Variants in IL19 observed in about 807,000 individuals in gnomAD.
IL19 encodes the protein interleukin-19.
IL19 carries 15 observed loss-of-function variants against 19.5 expected under a neutral mutation model. That is an observed-to-expected ratio of 0.77 (90% CI 0.52 to 1.19). The LOEUF (loss-of-function observed/expected upper bound fraction) is 1.19, where lower values mean the gene tolerates loss of function less well. Among genes scored for constraint, IL19 ranks in the 50% most tolerant of loss-of-function variants. The pLI is 0.00. For missense variants in IL19, 199 were observed against 213.1 expected, an observed-to-expected ratio of 0.93 and a Z score of 0.41; for synonymous variants, 78 against 78.3, an observed-to-expected ratio of 1.00 and a Z score of 0.02.
chr1:206,797,954 G>A (rs546917535), intron 1 of IL19, among the ~76,000 whole-genome samples: 1 of 152,200 alleles, frequency 6.6e-6, no homozygotes, highest in Non-Finnish European at 1.5e-5. Context: ...GGATTTCAGA[G>A]CTAGCTAGTG....
chr1:206,820,743 A>G (rs976944725), intron 2 of IL19, among the ~76,000 whole-genome samples: 7 of 152,234 alleles, frequency 4.6e-5, no homozygotes, highest in African/African-American at 1.7e-4. Context: ...GGACTGGCAC[A>G]ATGAGGTTCC....
chr1:206,795,876 C>T (rs529290500), intron 1 of IL19, among the ~76,000 whole-genome samples: 1 of 151,056 alleles, frequency 6.6e-6, no homozygotes, highest in South Asian at 2.1e-4. Flanking sequence ...TAATTCAGTT[C>T]ATTTTTGTAT....
At chr1:206,811,530 A>C (rs1572560873) in intron 2 of IL19, among the ~76,000 whole-genome samples, 1 of 151,868 alleles carries the variant, frequency 6.6e-6, no homozygotes, top group South Asian at 2.1e-4. Flanking sequence ...TTCCAGACTT[A>C]GAATCTCTTG....
chr1:206,786,210 T>C (rs1371936535), intron 1 of IL19, among the ~76,000 whole-genome samples: 3 of 152,206 alleles, frequency 2.0e-5, no homozygotes, highest in Non-Finnish European at 1.5e-5. Flanking sequence ...GAAAAATGCT[T>C]GTCATAGTGC....
At chr1:206,772,101 C>T (rs960394035) in intron 1 of IL19, among the ~76,000 whole-genome samples, 5 of 152,228 alleles carry the variant, frequency 3.3e-5, no homozygotes, top group African/African-American at 1.2e-4. Flanking sequence ...CTTAGCTTAA[C>T]TCACCAAACC....
At chr1:206,827,612 C>T (rs964348192) in intron 2 of IL19, among the ~76,000 whole-genome samples, 1 of 151,892 alleles carries the variant, frequency 6.6e-6, no homozygotes, top group Non-Finnish European at 1.5e-5. Flanking sequence ...ATGGCATGAA[C>T]CCCGGGGGGC....
intron 2 of IL19, among the ~76,000 whole-genome samples, chr1:206,827,705 C>CA (rs1473555776): frequency 1.3e-4 from 4 of 29,952 alleles, no homozygotes; most frequent in East Asian, 5.5e-4. Context: ...CAAAACAAAA[C>CA]AAAACAAAAA....
intron 2 of IL19, among the ~76,000 whole-genome samples, chr1:206,816,644 T>C (rs991237217): frequency 6.6e-6 from 1 of 152,006 alleles, no homozygotes; most frequent in African/African-American, 2.4e-5. Flanking sequence ...ATGGTACAAA[T>C]AGAAAACAAA....
intron 2 of IL19, among the ~76,000 whole-genome samples, chr1:206,802,799 A>G (rs865911192): frequency 1.1e-4 from 17 of 151,970 alleles, no homozygotes; most frequent in Middle Eastern, 3.4e-3. Context: ...GCCCACATGT[A>G]TAGAACTGGA....
In IL19 at chr1:206,813,153, C is replaced by T. The variant is rs138625576; in HGVS notation, c.-3+14147C>T. Among the ~76,000 whole-genome samples, 526 of 152,292 alleles carry T rather than the reference C, an allele frequency of 3.5e-3. 4 individuals are homozygous for T. The highest frequency in any genetic ancestry group is 0.012 in the African/African-American group (492 of 41,570). On this transcript the variant is annotated intron_variant, in intron 2 of 6. Coordinates refer to ENST00000659997, the MANE Select transcript of IL19 (RefSeq NM_153758.5). The stretch of plus-strand genomic sequence containing the variant: ...CAGTTATTGCCTCTCAGTTCTAAAC[C>T]CAACCTTCTATAGTCTGCTTTGTGA...
chr1:206,782,891 A>T (rs1446862731), intron 1 of IL19, among the ~76,000 whole-genome samples: 1 of 152,194 alleles, frequency 6.6e-6, no homozygotes, highest in Non-Finnish European at 1.5e-5. Context: ...AAGGGGCATT[A>T]AAAACCCTGC....
intron 2 of IL19, among the ~76,000 whole-genome samples, chr1:206,807,750 T>G (rs1675886188): frequency 6.6e-6 from 1 of 152,220 alleles, no homozygotes; most frequent in Non-Finnish European, 1.5e-5. Flanking sequence ...TATTTGTCAC[T>G]GAATTCCCAG....
At chr1:206,796,055 C>T (rs779242027) in intron 1 of IL19, among the ~76,000 whole-genome samples, 87 of 151,652 alleles carry the variant, frequency 5.7e-4, no homozygotes, top group Non-Finnish European at 9.1e-4. Flanking sequence ...CCAGGAAAGC[C>T]GATGGTATAG....
At chr1:206,772,156 A>C in intron 1 of IL19, 3 of 879,952 alleles carry the variant, frequency 3.4e-6, no homozygotes, top group Non-Finnish European at 3.8e-6. Context: ...GTTTGGGGGA[A>C]TAGGTGTTGG....
intron 2 of IL19, among the ~76,000 whole-genome samples, chr1:206,808,668 C>T (rs2102465923): frequency 6.6e-6 from 1 of 152,308 alleles, no homozygotes; most frequent in South Asian, 2.1e-4. Flanking sequence ...GTAGGTTAAA[C>T]TCACAGAGGG....
chr1:206,836,598 G>T, intron 2 of IL19, 63 bp from the exon 3 acceptor site: 2 of 1,462,086 alleles, frequency 1.4e-6, no homozygotes, highest in South Asian at 2.6e-5. Context: ...CGTCAATCAG[G>T]GGTCTTCTTT....
intron 1 of IL19, among the ~76,000 whole-genome samples, chr1:206,780,162 C>T (rs1396368818): frequency 6.6e-6 from 1 of 152,174 alleles, no homozygotes; most frequent in Non-Finnish European, 1.5e-5. Flanking sequence ...ACACCTTGCT[C>T]CCACCCCTCT....
At chr1:206,801,487 C>T (rs1000302192) in intron 2 of IL19, among the ~76,000 whole-genome samples, 1 of 152,248 alleles carries the variant, frequency 6.6e-6, no homozygotes, top group Non-Finnish European at 1.5e-5. Context: ...CAGCCTCCAG[C>T]ACTGTTGGCC....
At chr1:206,775,756 G>A (rs906938923) in intron 1 of IL19, among the ~76,000 whole-genome samples, 3 of 152,220 alleles carry the variant, frequency 2.0e-5, no homozygotes, top group Non-Finnish European at 4.4e-5. Context: ...AGACATGAAT[G>A]CCAACACTCA....
Sources: allele counts gnomAD v4.1 joint callset (sites outside exome capture counted in the v4.1 genomes callset), GRCh38; gene constraint gnomAD v4.1.1; transcripts MANE v1.5; gene names NCBI Gene and HGNC (gene_info 2026-07-23, HGNC 2026-07-21).